The following DPYSL3 variants were observed in gnomAD, a reference collection of about 807,000 sequenced individuals.
DPYSL3 encodes the protein dihydropyrimidinase-related protein 3.
A neutral mutation model predicts 66.1 loss-of-function variants in DPYSL3; 16 were observed. The ratio of observed to expected loss-of-function variants is 0.24; its 90% confidence interval spans 0.16 to 0.37. The LOEUF is 0.37. Among genes scored for constraint, DPYSL3 ranks in the 10% least tolerant of loss-of-function variants. DPYSL3 has a pLI of 1.00. For synonymous variants in DPYSL3, 338 were observed against 345.1 expected, an observed-to-expected ratio of 0.98 and a Z score of 0.23; for missense variants, 738 against 916.2, an observed-to-expected ratio of 0.81 and a Z score of 2.51.
rs1432479692 is a variant in DPYSL3 at position 147,397,817 on chromosome 5, A to T, written c.1652T>A (p.Met551Lys). The T allele has an allele frequency of 6.2e-7, 1 of 1,613,360 alleles. No individual in the cohort carries two copies. ...SAAEYNIFEG[M>K]ELRGAPLVVI... is the part of the protein sequence containing the mutation. ...AACCAGAGGAGCCCCGCGCAGCTCC[A>T]TCCCTTCAAAGATGTTGTACTCTGC... The change falls in exon 12 of 14, where the codon ATG becomes AAG. Residue 551 changes from methionine (M) to lysine (K), a missense_variant. Met to Lys is a moderately conservative substitution (Grantham distance 95). Transcript: ENST00000343218.
chr5:147,430,876 C>T (rs1403085026), intron 1 of DPYSL3, among the ~76,000 whole-genome samples: 1 of 152,192 alleles, frequency 6.6e-6, no homozygotes, highest in Non-Finnish European at 1.5e-5. Context: ...TAAGACACAT[C>T]TGTTCCACAC....
chr5:147,489,627 G>T lies in DPYSL3; in HGVS notation c.381+19851C>A, dbSNP rs1753385484. The stretch of plus-strand genomic sequence containing the variant: ...CTCATATTTGTGCCTCAAACTCAGA[G>T]AAATGTAAAATTCCAAGAGATTATT... On this transcript the variant is annotated intron_variant, in intron 1 of 13. Coordinates refer to ENST00000343218, the MANE Select transcript of DPYSL3 (RefSeq NM_001197294.2). Among the ~76,000 whole-genome samples the T allele has an allele frequency of 2.0e-5, 3 of 152,100 alleles. No individual in the cohort carries two copies. In the South Asian group the frequency reaches 6.2e-4, roughly 32 times the overall value.
chr5:147,422,933 A>G (rs1752112093), intron 2 of DPYSL3, among the ~76,000 whole-genome samples: 1 of 152,132 alleles, frequency 6.6e-6, no homozygotes. Context: ...GCAAACCACC[A>G]TGGCACATGT....
rs1298556773 is a variant in DPYSL3 at position 147,405,664 on chromosome 5, T to G, written c.1099A>C (p.Thr367Pro). The G allele has an allele frequency of 6.2e-7, 1 of 1,614,076 alleles. No homozygotes were observed. The highest frequency in any genetic ancestry group is 8.5e-7 in the Non-Finnish European group (1 of 1,179,972). Residue 367 changes from threonine to proline, a missense_variant, in exon 8 of 14, where the codon ACA becomes CCA. Transcript: ENST00000343218. ...GCTGCACTCTTGCTCATGACCTTTG[T>G]GACGTAGAGAGGGCAATTGGTTTGG... ...ASQTNCPLYV[T>P]KVMSKSAADL...
chr5:147,489,892 A>G (rs933265899), intron 1 of DPYSL3, among the ~76,000 whole-genome samples: 1 of 152,164 alleles, frequency 6.6e-6, no homozygotes, highest in Non-Finnish European at 1.5e-5. Context: ...CCTTACCATT[A>G]TACAATATAC....
chr5:147,459,239 A>T (rs1464302240), intron 1 of DPYSL3, among the ~76,000 whole-genome samples: 1 of 152,144 alleles, frequency 6.6e-6, no homozygotes, highest in East Asian at 1.9e-4. Context: ...ATACATTTAT[A>T]TGTTGCTGTC....
At chr5:147,414,800 T>C (rs1751928751) in intron 4 of DPYSL3, among the ~76,000 whole-genome samples, 1 of 152,064 alleles carries the variant, frequency 6.6e-6, no homozygotes, top group African/African-American at 2.4e-5. Context: ...GGGGTCATCC[T>C]TTCCCTGCCA....
At chr5:147,503,666 C>T (rs1277837317) in intron 1 of DPYSL3, among the ~76,000 whole-genome samples, 1 of 152,162 alleles carries the variant, frequency 6.6e-6, no homozygotes, top group East Asian at 1.9e-4. Flanking sequence ...TATATACACA[C>T]ACAAGGAATA....
At chr5:147,487,042 C>G (rs1296997712) in intron 1 of DPYSL3, among the ~76,000 whole-genome samples, 1 of 152,248 alleles carries the variant, frequency 6.6e-6, no homozygotes, top group African/African-American at 2.4e-5. Context: ...TCCGAGAGGC[C>G]TTCTTTTCCA....
chr5:147,470,024 G>A (rs1039958606), intron 1 of DPYSL3, among the ~76,000 whole-genome samples: 4 of 152,190 alleles, frequency 2.6e-5, no homozygotes, highest in Non-Finnish European at 4.4e-5. Flanking sequence ...TGTCTGAGAC[G>A]TCACTGCCTT....
intron 1 of DPYSL3, among the ~76,000 whole-genome samples, chr5:147,461,704 T>G (rs1264074913): frequency 6.6e-6 from 1 of 152,148 alleles, no homozygotes; most frequent in African/African-American, 2.4e-5. Flanking sequence ...GCTTCTCTGT[T>G]AGAGTAGAGA....
chr5:147,433,011 AC>A (rs1752341962), intron 1 of DPYSL3, among the ~76,000 whole-genome samples: 1 of 152,222 alleles, frequency 6.6e-6, no homozygotes. Flanking sequence ...CTAGTAGTAA[AC>A]GGAGACTTTT....
At position 147,415,698 on chromosome 5, in the gene DPYSL3, T is replaced by C; in HGVS notation, c.820+11A>G. 1 of 1,612,548 alleles carries C rather than the reference T, an allele frequency of 6.2e-7. No homozygotes were observed. The highest frequency in any genetic ancestry group is 8.5e-7 in the Non-Finnish European group (1 of 1,179,176). ...CTAAGAGAGGAGGGAGGACGGCATGTCCGGGCTCACCTTTGTCCTTGATGA... is the reference window on the plus strand; with the variant it reads ...CTAAGAGAGGAGGGAGGACGGCATGCCCGGGCTCACCTTTGTCCTTGATGA... On this transcript the variant is annotated intron_variant, in intron 4 of 13. Coordinates refer to ENST00000343218, the MANE Select transcript of DPYSL3 (RefSeq NM_001197294.2).
chr5:147,455,760 TA>T (rs879298859), intron 1 of DPYSL3, among the ~76,000 whole-genome samples: 21 of 148,812 alleles, frequency 1.4e-4, no homozygotes, highest in South Asian at 2.1e-4. Context: ...TTTACAATCC[TA>T]AAAAAAAAAT....
chr5:147,408,789 G>T lies in DPYSL3; in HGVS notation c.971C>A (p.Thr324Asn). 6.2e-7 allele frequency: 1 copy of T among 1,614,156 alleles called. No homozygotes were observed. The highest frequency in any genetic ancestry group is 8.5e-7 in the Non-Finnish European group (1 of 1,180,026). The part of the protein sequence containing the change: ...ENGDIIAQEQ[T>N]RMLEMGITGP... ...AGTTATCCCCATTTCCAACATGCGG[G>T]TTTGCTCCTGAAATGAAAAAAGAAA... Residue 324 changes from threonine to asparagine, a missense_variant, in exon 7 of 14, where the codon ACC becomes AAC. Transcript: ENST00000343218.
At chr5:147,406,499 G>A (rs1161316597) in intron 7 of DPYSL3, among the ~76,000 whole-genome samples, 2 of 152,102 alleles carry the variant, frequency 1.3e-5, no homozygotes, top group Non-Finnish European at 2.9e-5. Flanking sequence ...TGTAAATTGA[G>A]GATAATAGGA....
chr5:147,493,176 CAG>C (rs1236629508), intron 1 of DPYSL3, among the ~76,000 whole-genome samples: 1 of 152,134 alleles, frequency 6.6e-6, no homozygotes, highest in Non-Finnish European at 1.5e-5. Flanking sequence ...TGTCAAACAA[CAG>C]AGGATCAAAA....
At chr5:147,426,658 C>T (rs1022132974) in intron 1 of DPYSL3, among the ~76,000 whole-genome samples, 5 of 152,110 alleles carry the variant, frequency 3.3e-5, no homozygotes, top group African/African-American at 1.2e-4. Context: ...TGTTTGAGAA[C>T]GTCAGCTTTC....
At chr5:147,471,747 C>A in intron 1 of DPYSL3, among the ~76,000 whole-genome samples, 1 of 152,084 alleles carries the variant, frequency 6.6e-6, no homozygotes. Flanking sequence ...ACTCATACAT[C>A]ATTACCAAGG....
Sources: gnomAD v4.1 joint callset for allele counts (sites outside exome capture counted in the v4.1 genomes callset) on GRCh38, gnomAD v4.1.1 for gene constraint, MANE v1.5 for transcripts, NCBI Gene and HGNC (gene_info 2026-07-23, HGNC 2026-07-21) for gene names.